Variants in OTUD7A observed in about 807,000 individuals in gnomAD.
The protein encoded by OTUD7A is OTU deubiquitinase 7A.
In OTUD7A, 12 loss-of-function variants were observed where a neutral mutation model predicts 65.7. That is an observed-to-expected ratio of 0.18 (90% CI 0.12 to 0.30). OTUD7A has a LOEUF of 0.30. Ranked by LOEUF, OTUD7A falls within the 10% of genes least tolerant of loss-of-function variation. The pLI is 1.00. For synonymous variants in OTUD7A, 641 were observed against 586.3 expected, an observed-to-expected ratio of 1.09 and a Z score of -1.35; for missense variants, 1,148 against 1,304.8, an observed-to-expected ratio of 0.88 and a Z score of 1.85.
chr15:31,744,425 A>C (rs1167566555), intron 1 of OTUD7A, among the ~76,000 whole-genome samples: 1 of 152,140 alleles, frequency 6.6e-6, no homozygotes, highest in Non-Finnish European at 1.5e-5. Context: ...CAAGAACATA[A>C]GATAGGGCAA....
chr15:31,560,851 G>A (rs1279499378), intron 4 of OTUD7A, among the ~76,000 whole-genome samples: 5 of 152,154 alleles, frequency 3.3e-5, no homozygotes, highest in African/African-American at 7.2e-5. Flanking sequence ...AGCACACCAC[G>A]GTCACACGGA....
chr15:31,704,160 A>G (rs1348110613), intron 1 of OTUD7A, among the ~76,000 whole-genome samples: 1 of 124,702 alleles, frequency 8.0e-6, no homozygotes, highest in Non-Finnish European at 1.7e-5. Context: ...CCTGGTTGTG[A>G]TATTGGACCA....
chr15:31,568,069 T>C (rs1165461565), intron 4 of OTUD7A, among the ~76,000 whole-genome samples: 1 of 152,076 alleles, frequency 6.6e-6, no homozygotes, highest in Non-Finnish European at 1.5e-5. Context: ...CCACACAGAG[T>C]CCTCATGGGG....
intron 3 of OTUD7A, among the ~76,000 whole-genome samples, chr15:31,589,274 A>G (rs1370782567): frequency 6.7e-6 from 1 of 150,358 alleles, no homozygotes; most frequent in Non-Finnish European, 1.5e-5. Context: ...ATCAGGAGTG[A>G]CTTTTATTTT....
In OTUD7A at chr15:31,600,988, C is replaced by A. The variant is rs576778130; in HGVS notation, c.152-30791G>T. ...GTTCTTAGAGACCTACAAAGAGACT[C>A]AGACTCCCACACAATAACAGTGGGA... On this transcript the variant is annotated intron_variant, in intron 3 of 12. Transcript: ENST00000307050. Among the ~76,000 whole-genome samples, 3 of 152,206 alleles carry A rather than the reference C, an allele frequency of 2.0e-5. No homozygotes were observed. In the South Asian group the frequency reaches 6.2e-4, roughly 32 times the overall value.
At chr15:31,569,390 A>C (rs1888976330) in intron 4 of OTUD7A, among the ~76,000 whole-genome samples, 1 of 152,230 alleles carries the variant, frequency 6.6e-6, no homozygotes, top group South Asian at 2.1e-4. Flanking sequence ...TATGTTCATC[A>C]TCTCCTGCTC....
chr15:31,734,540 C>T lies in OTUD7A; in HGVS notation c.-99-77463G>A, dbSNP rs1225004477. On this transcript the variant is annotated intron_variant, in intron 1 of 12. Transcript: ENST00000307050. ...CTACGGTAGCCAAAACAGCATGGTA[C>T]TGGTACAAAAACAGATACGTAGACC... Among the ~76,000 whole-genome samples, 17 of 152,304 alleles carry T rather than the reference C, an allele frequency of 1.1e-4. 1 individual carries two copies. The highest frequency in any genetic ancestry group is 6.8e-3 in the Middle Eastern group (2 of 294).
At chr15:31,602,512 A>C (rs1275855910) in intron 3 of OTUD7A, among the ~76,000 whole-genome samples, 1 of 152,220 alleles carries the variant, frequency 6.6e-6, no homozygotes, top group Non-Finnish European at 1.5e-5. Flanking sequence ...TGAATGGGCA[A>C]AAACTGGAAG....
intron 1 of OTUD7A, among the ~76,000 whole-genome samples, chr15:31,669,467 G>C (rs1164464430): frequency 2.0e-5 from 3 of 152,220 alleles, no homozygotes; most frequent in Admixed American, 6.5e-5. Context: ...CAGCTGCCAT[G>C]CAGTCCGAAG....
intron 3 of OTUD7A, among the ~76,000 whole-genome samples, chr15:31,593,855 G>A (rs1317453320): frequency 6.6e-6 from 1 of 152,152 alleles, no homozygotes; most frequent in African/African-American, 2.4e-5. Flanking sequence ...CGATGTGTAA[G>A]CAACAGTGTT....
At chr15:31,645,520 C>T (rs541545613) in intron 3 of OTUD7A, among the ~76,000 whole-genome samples, 110 of 152,332 alleles carry the variant, frequency 7.2e-4, no homozygotes, top group African/African-American at 2.5e-3. Context: ...CCCCAGAAAA[C>T]CCCTGCATGA....
chr15:31,832,399 CT>C (rs1896955547), intron 1 of OTUD7A, among the ~76,000 whole-genome samples: 1 of 152,100 alleles, frequency 6.6e-6, no homozygotes, highest in African/African-American at 2.4e-5. Context: ...AATGAGTGGT[CT>C]TTCCATCTCC....
At chr15:31,753,698 TATATTA>T (rs1156593499) in intron 1 of OTUD7A, among the ~76,000 whole-genome samples, 8 of 12,574 alleles carry the variant, frequency 6.4e-4, no homozygotes, top group African/African-American at 2.3e-3. Context: ...TATATATATA[TATATTA>T]TATATATATA....
intron 1 of OTUD7A, chr15:31,766,040 A>G: frequency 6.4e-7 from 1 of 1,558,074 alleles, no homozygotes; most frequent in Non-Finnish European, 8.8e-7. Flanking sequence ...TTGGCAAAGG[A>G]GCAAATAGTC....
intron 1 of OTUD7A, among the ~76,000 whole-genome samples, chr15:31,704,542 G>T (rs1353074516): frequency 6.7e-6 from 1 of 150,028 alleles, no homozygotes; most frequent in African/African-American, 2.4e-5. Flanking sequence ...AGTTTAATCT[G>T]GACAAATCAT....
intron 1 of OTUD7A, among the ~76,000 whole-genome samples, chr15:31,672,096 G>A (rs34622555): frequency 1.2e-4 from 18 of 152,160 alleles, no homozygotes; most frequent in Non-Finnish European, 2.4e-4. Context: ...ATGTGTAATC[G>A]TTGTCAGGCT....
chr15:31,670,267 G>T (rs1416949554), intron 1 of OTUD7A, among the ~76,000 whole-genome samples: 1 of 151,968 alleles, frequency 6.6e-6, no homozygotes, highest in African/African-American at 2.4e-5. Context: ...CTTTATAACA[G>T]AATGATTTGT....
intron 1 of OTUD7A, among the ~76,000 whole-genome samples, chr15:31,717,125 CT>C (rs945753191): frequency 1.3e-5 from 2 of 152,150 alleles, no homozygotes; most frequent in Non-Finnish European, 2.9e-5. Context: ...CAACAATGTC[CT>C]TTGTAACAAA....
chr15:31,807,299 T>C (rs1475088509), intron 1 of OTUD7A, among the ~76,000 whole-genome samples: 1 of 152,068 alleles, frequency 6.6e-6, no homozygotes, highest in Non-Finnish European at 1.5e-5. Context: ...TTCACTGCCA[T>C]CTCCCAAGAG....
Sources: gnomAD v4.1 joint callset for allele counts (sites outside exome capture counted in the v4.1 genomes callset) on GRCh38, gnomAD v4.1.1 for gene constraint, MANE v1.5 for transcripts, NCBI Gene and HGNC (gene_info 2026-07-23, HGNC 2026-07-21) for gene names.